Variants in NR6A1 observed in about 807,000 individuals in gnomAD.
NR6A1 encodes retinoic acid receptor-related testis-associated receptor.
NR6A1 carries 7 observed loss-of-function variants against 59.1 expected under a neutral mutation model. The ratio of observed to expected loss-of-function variants is 0.12; its 90% CI spans 0.07 to 0.22. The LOEUF is 0.22. Among genes scored for constraint, NR6A1 ranks in the 10% least tolerant of loss-of-function variants. The probability of loss-of-function intolerance (pLI) is 1.00; values close to 1 mark genes in which losing one functional copy is unlikely to be tolerated. For missense variants in NR6A1, 468 were observed against 611.6 expected (o/e 0.77, Z 2.48); for synonymous variants, 243 against 236.1 (o/e 1.03, Z -0.27).
chr9:124,713,534 T>G (rs1385591435), intron 2 of NR6A1, among the ~76,000 whole-genome samples: 1 of 152,112 alleles, frequency 6.6e-6, no homozygotes, highest in Non-Finnish European at 1.5e-5. Context: ...AAAGAACTCG[T>G]ATAACTGAAA....
At chr9:124,548,546 ATGTT>A (rs1564174196) in intron 3 of NR6A1, among the ~76,000 whole-genome samples, 3 of 152,242 alleles carry the variant, frequency 2.0e-5, no homozygotes. Flanking sequence ...TGTAAAAAAA[ATGTT>A]TGTAAGGAAC....
At chr9:124,730,884 T>C (rs537487149) in intron 2 of NR6A1, among the ~76,000 whole-genome samples, 3 of 152,298 alleles carry the variant, frequency 2.0e-5, no homozygotes, top group Non-Finnish European at 2.9e-5. Context: ...CCTAACACAC[T>C]GATAACATAC....
chr9:124,558,688 C>T (rs1393572492), intron 2 of NR6A1, among the ~76,000 whole-genome samples: 4 of 152,094 alleles, frequency 2.6e-5, no homozygotes, highest in Non-Finnish European at 5.9e-5. Flanking sequence ...GCTATCACTC[C>T]CTAATAGTCA....
At chr9:124,747,873 C>T (rs1009807209) in intron 1 of NR6A1, among the ~76,000 whole-genome samples, 13 of 152,208 alleles carry the variant, frequency 8.5e-5, no homozygotes, top group African/African-American at 3.1e-4. Flanking sequence ...ATGACTGCTC[C>T]TCTCTCTTCC....
At position 124,745,130 on chromosome 9, in the gene NR6A1, A is replaced by G. The variant is rs145216350; in HGVS notation, c.101-11781T>C. Among the ~76,000 whole-genome samples, 39 of 152,314 alleles carry G rather than the reference A, an allele frequency of 2.6e-4. No homozygotes were observed. The Middle Eastern group carries it at 0.014, about 53-fold the overall frequency. ...TGATTAAATTATGTACACTTATTCA[A>G]TGGAATATTTTGCGAACACTATAAA... On this transcript the variant is annotated intron_variant, in intron 1 of 9. Transcript: ENST00000487099.
intron 3 of NR6A1, among the ~76,000 whole-genome samples, chr9:124,547,194 T>C (rs947472112): frequency 2.6e-5 from 4 of 152,238 alleles, no homozygotes; most frequent in Non-Finnish European, 5.9e-5. Flanking sequence ...ACAAACACTT[T>C]TTCTGCTTTG....
chr9:124,550,264 T>C (rs1833732136), intron 3 of NR6A1, among the ~76,000 whole-genome samples: 1 of 152,206 alleles, frequency 6.6e-6, no homozygotes, highest in Non-Finnish European at 1.5e-5. Flanking sequence ...AATTACTATA[T>C]ATTTGCAGAC....
In NR6A1 at chr9:124,673,583, C is replaced by T. The variant is rs146621936; in HGVS notation, c.142+59725G>A. On this transcript the variant is annotated intron_variant, in intron 2 of 9. Transcript: ENST00000487099. ...TAAATATCATAGATGCTTAAAAATG[C>T]CCCACTATGACTTTTAGGAATGCCT... Among the ~76,000 whole-genome samples the T allele has an allele frequency of 5.5e-3, 836 of 152,056 alleles. 6 individuals are homozygous for T. Among genetic ancestry groups the T allele is most frequent in the African/African-American group, 0.019 (794 of 41,492 alleles).
chr9:124,694,801 C>A (rs756367333), intron 2 of NR6A1, among the ~76,000 whole-genome samples: 13 of 152,054 alleles, frequency 8.5e-5, no homozygotes, highest in Admixed American at 6.6e-4. Flanking sequence ...CTTAATTTGA[C>A]AAGGCTTTCC....
intron 2 of NR6A1, among the ~76,000 whole-genome samples, chr9:124,567,972 G>A (rs1394074596): frequency 2.0e-5 from 3 of 149,192 alleles, no homozygotes; most frequent in African/African-American, 7.4e-5. Context: ...TCAAGAGATT[G>A]AGACCATCCT....
At position 124,690,394 on chromosome 9, in the gene NR6A1, T is replaced by G. The variant is rs376500560; in HGVS notation, c.142+42914A>C. On this transcript the variant is annotated intron_variant, in intron 2 of 9. Transcript: ENST00000487099. ...AATATTTCATGGTTTCTCTGGAATA[T>G]TGGAAACCACCAATATTTCGTGGTT... is the stretch of plus-strand genomic sequence containing the variant. 4.6e-5 allele frequency among the ~76,000 whole-genome samples: 7 copies of G among 152,242 alleles called. No individual in the cohort carries two copies. The East Asian group carries it at 1.3e-3, about 29-fold the overall frequency.
At position 124,526,288 on chromosome 9, in the gene NR6A1, ATGTGTG is replaced by A. The variant is rs3050281; in HGVS notation, c.1201+485_1201+490del. 4.8e-3 allele frequency among the ~76,000 whole-genome samples: 702 copies of A among 146,636 alleles called. 14 individuals carry two copies. The East Asian group carries it at 0.073, about 15-fold the overall frequency. ...CATGCTTGATTGTGTGTATGTGTGT[ATGTGTG>A]TGTGTGTGTGTGTGTGTGTGTGTTT... On this transcript the variant is annotated intron_variant, in intron 8 of 9. Transcript: ENST00000487099.
intron 2 of NR6A1, among the ~76,000 whole-genome samples, chr9:124,626,266 A>G (rs1052873223): frequency 2.0e-5 from 3 of 152,158 alleles, no homozygotes; most frequent in Non-Finnish European, 2.9e-5. Flanking sequence ...TTGGCCTCCC[A>G]AAGTGCTGGG....
chr9:124,698,354 G>A (rs1277314262), intron 2 of NR6A1: 3 of 152,168 alleles, frequency 2.0e-5, no homozygotes, highest in Non-Finnish European at 4.4e-5. Flanking sequence ...AAAATCAGAT[G>A]GAAGAATCCA....
intron 2 of NR6A1, among the ~76,000 whole-genome samples, chr9:124,587,307 A>C (rs924493390): frequency 6.6e-6 from 1 of 152,202 alleles, no homozygotes; most frequent in Non-Finnish European, 1.5e-5. Context: ...GACTTGCTTT[A>C]TTGTAGTGGT....
chr9:124,742,561 A>AAAAAAT (rs965134051), intron 1 of NR6A1, among the ~76,000 whole-genome samples: 17 of 151,786 alleles, frequency 1.1e-4, no homozygotes, highest in African/African-American at 3.9e-4. Context: ...ACTTCGTCTC[A>AAAAAAT]AAAAATAAAA....
At chr9:124,523,069 C>G (rs865867815) in intron 9 of NR6A1, among the ~76,000 whole-genome samples, 1 of 152,126 alleles carries the variant, frequency 6.6e-6, no homozygotes, top group East Asian at 1.9e-4. Context: ...TGCATTACCT[C>G]GTTGAATTCT....
intron 2 of NR6A1, among the ~76,000 whole-genome samples, chr9:124,587,873 C>T (rs1160022967): frequency 6.6e-6 from 1 of 152,164 alleles, no homozygotes; most frequent in African/African-American, 2.4e-5. Context: ...TCAATAATTC[C>T]CCCCTCCCTA....
At chr9:124,695,368 G>A (rs558444026) in intron 2 of NR6A1, among the ~76,000 whole-genome samples, 1 of 152,092 alleles carries the variant, frequency 6.6e-6, no homozygotes, top group Non-Finnish European at 1.5e-5. Flanking sequence ...TTTTGTGTGT[G>A]TTTTTCTTTC....
Sources: allele counts gnomAD v4.1 joint callset (sites outside exome capture counted in the v4.1 genomes callset), GRCh38; gene constraint gnomAD v4.1.1; transcripts MANE v1.5; gene names NCBI Gene and HGNC (gene_info 2026-07-23, HGNC 2026-07-21).